The following ITFG1 variants were observed in gnomAD, a reference collection of about 807,000 sequenced individuals.
The protein encoded by ITFG1 is integrin alpha FG-GAP repeat containing 1, also known as T-cell immunomodulatory protein.
A neutral mutation model predicts 81.8 loss-of-function variants in ITFG1; 34 were observed. The observed-to-expected ratio is 0.42, with a 90% CI of 0.32 to 0.55. The LOEUF is 0.55. Ranked by LOEUF, ITFG1 falls within the 20% of genes least tolerant of loss-of-function variation. ITFG1 has a pLI of 0.17. For synonymous variants in ITFG1, 285 were observed against 270.6 expected (o/e 1.05, Z -0.52); for missense variants, 672 against 755.4 (o/e 0.89, Z 1.29).
intron 6 of ITFG1, among the ~76,000 whole-genome samples, chr16:47,411,267 G>A (rs1968806971): frequency 6.6e-6 from 1 of 152,194 alleles, no homozygotes; most frequent in Non-Finnish European, 1.5e-5. Context: ...TATGGGCCAG[G>A]AAGGGTGTCG....
At chr16:47,187,028 C>A (rs1214935451) in intron 14 of ITFG1, among the ~76,000 whole-genome samples, 26 of 151,978 alleles carry the variant, frequency 1.7e-4, no homozygotes, top group African/African-American at 2.7e-4. Flanking sequence ...CAAAGAGAAT[C>A]AAATACCTAG....
chr16:47,349,479 G>C (rs1967915895), intron 8 of ITFG1, among the ~76,000 whole-genome samples: 1 of 152,128 alleles, frequency 6.6e-6, no homozygotes, highest in Non-Finnish European at 1.5e-5. Context: ...TTACATAATG[G>C]TAAAGGGATC....
intron 10 of ITFG1, among the ~76,000 whole-genome samples, chr16:47,272,049 G>A (rs547914168): frequency 1.2e-4 from 19 of 152,292 alleles, no homozygotes; most frequent in South Asian, 1.0e-3. Context: ...ATGAAATGTA[G>A]TATAACCATA....
Position 47,460,977 on chromosome 16 carries a change from T to C in ITFG1, c.69A>G (p.Leu23=), listed in dbSNP as rs1969531287. The C allele has an allele frequency of 1.3e-6, 2 of 1,596,602 alleles. No homozygotes were observed. The highest frequency in any genetic ancestry group is 8.5e-7 in the Non-Finnish European group (1 of 1,171,736). ...GCGCTGGGACCGGCCCGACTCCCAG[T>C]AGTGCAAGCCCTGCGAGGAGCGGCG... is the stretch of plus-strand genomic sequence containing the variant. ...LFSPLLAGLA[L]LGVGPVPARA... is the part of the protein sequence containing the mutation. The change falls in exon 1 of 18, where the codon CTA becomes CTG. Residue 23 remains leucine (L), a synonymous_variant. Coordinates refer to ENST00000320640, the MANE Select transcript of ITFG1 (RefSeq NM_030790.5).
chr16:47,428,444 T>C (rs1469708868), intron 6 of ITFG1, among the ~76,000 whole-genome samples: 1 of 152,128 alleles, frequency 6.6e-6, no homozygotes, highest in Non-Finnish European at 1.5e-5. Context: ...ATTATTCTTG[T>C]ACATAAGCTA....
At chr16:47,307,043 G>A (rs1004619794) in intron 10 of ITFG1, among the ~76,000 whole-genome samples, 2 of 117,856 alleles carry the variant, frequency 1.7e-5, no homozygotes, top group South Asian at 3.0e-4. Flanking sequence ...GCAGTATGTG[G>A]AGATTGCGCC....
chr16:47,457,101 G>C (rs999742482), intron 2 of ITFG1, among the ~76,000 whole-genome samples: 2 of 152,096 alleles, frequency 1.3e-5, no homozygotes, highest in Admixed American at 1.3e-4. Context: ...CCTGAGGTCG[G>C]GAGCTCGAGA....
intron 13 of ITFG1, among the ~76,000 whole-genome samples, chr16:47,227,955 C>T (rs909437623): frequency 2.0e-5 from 3 of 152,034 alleles, no homozygotes; most frequent in African/African-American, 7.3e-5. Context: ...AGCTGTAATG[C>T]CCAATTTAGT....
chr16:47,321,406 T>C (rs1364378402), intron 8 of ITFG1, among the ~76,000 whole-genome samples: 2 of 152,220 alleles, frequency 1.3e-5, no homozygotes, highest in African/African-American at 4.8e-5. Flanking sequence ...TGATTCATTA[T>C]TAATATAAAG....
intron 8 of ITFG1, among the ~76,000 whole-genome samples, chr16:47,338,457 C>A (rs1967737827): frequency 6.6e-6 from 1 of 151,632 alleles, no homozygotes; most frequent in East Asian, 1.9e-4. Flanking sequence ...AGAAAAAAAA[C>A]CCTAGCAAAC....
At chr16:47,261,778 A>G (rs1453583980) in intron 10 of ITFG1, among the ~76,000 whole-genome samples, 1 of 152,154 alleles carries the variant, frequency 6.6e-6, no homozygotes. Context: ...GGCTCAAGTG[A>G]CCCTGCCATC....
chr16:47,456,338 T>A (rs1397012242), intron 2 of ITFG1, among the ~76,000 whole-genome samples: 8 of 151,896 alleles, frequency 5.3e-5, no homozygotes, highest in Non-Finnish European at 8.8e-5. Flanking sequence ...AAGAAGAGGG[T>A]TGAATTTTAA....
chr16:47,407,822 G>T (rs1399736306), intron 6 of ITFG1, among the ~76,000 whole-genome samples: 1 of 152,160 alleles, frequency 6.6e-6, no homozygotes, highest in Non-Finnish European at 1.5e-5. Context: ...GTTGCTATGT[G>T]GCTTTGGAGC....
chr16:47,397,888 G>A (rs1365838842), intron 6 of ITFG1, among the ~76,000 whole-genome samples: 2 of 152,176 alleles, frequency 1.3e-5, no homozygotes, highest in Non-Finnish European at 2.9e-5. Context: ...AGGATGAAGA[G>A]GAGCCACTGA....
chr16:47,185,226 A>G (rs1025536882), intron 14 of ITFG1, among the ~76,000 whole-genome samples: 3 of 152,234 alleles, frequency 2.0e-5, no homozygotes, highest in Non-Finnish European at 4.4e-5. Context: ...TCAGCGAGAC[A>G]GAAAGTCAAA....
chr16:47,353,134 C>T (rs891116276), intron 8 of ITFG1, among the ~76,000 whole-genome samples: 7 of 151,906 alleles, frequency 4.6e-5, no homozygotes, highest in Non-Finnish European at 8.8e-5. Flanking sequence ...GGGTGCAGCA[C>T]ACCAAGATGG....
chr16:47,376,901 G>A (rs1424732931), intron 6 of ITFG1, among the ~76,000 whole-genome samples: 1 of 147,534 alleles, frequency 6.8e-6, no homozygotes, highest in Non-Finnish European at 1.5e-5. Context: ...CCCAGGAGGC[G>A]GAGGTTGCAG....
chr16:47,286,850 T>C (rs1413402993), intron 10 of ITFG1, among the ~76,000 whole-genome samples: 3 of 152,174 alleles, frequency 2.0e-5, no homozygotes, highest in Non-Finnish European at 4.4e-5. Flanking sequence ...TTACTATCCC[T>C]ATTGTATTCA....
At chr16:47,277,976 A>G (rs988657445) in intron 10 of ITFG1, among the ~76,000 whole-genome samples, 2 of 152,214 alleles carry the variant, frequency 1.3e-5, no homozygotes, top group Non-Finnish European at 2.9e-5. Flanking sequence ...TAACCTTTAA[A>G]GTATATCACA....
Sources: gnomAD v4.1 joint callset for allele counts (sites outside exome capture counted in the v4.1 genomes callset) on GRCh38, gnomAD v4.1.1 for gene constraint, MANE v1.5 for transcripts, NCBI Gene and HGNC (gene_info 2026-07-23, HGNC 2026-07-21) for gene names.